LRRIQ3: variants seen among roughly 807,000 people sequenced by gnomAD.
LRRIQ3 encodes the protein leucine-rich repeat and IQ domain-containing protein 3.
A neutral mutation model predicts 59.3 loss-of-function variants in LRRIQ3; 75 were observed. That is an observed-to-expected ratio of 1.26 (90% CI 1.05 to 1.53). The LOEUF (loss-of-function observed/expected upper bound fraction) is 1.53, where lower values mean the gene tolerates loss of function less well. Among genes scored for constraint, LRRIQ3 ranks in the 40% most tolerant of loss-of-function variants. LRRIQ3 has a pLI of 0.00. For missense variants in LRRIQ3, 831 were observed against 710.0 expected (o/e 1.17, Z -1.94); for synonymous variants, 250 against 231.3 (o/e 1.08, Z -0.73).
intron 3 of LRRIQ3, chr1:74,180,013 T>C (rs545781931): frequency 1.2e-4 from 18 of 152,028 alleles, no homozygotes; most frequent in African/African-American, 4.1e-4. Flanking sequence ...AATAAATCTT[T>C]CATAAATTCT....
At chr1:74,069,460 A>G (rs1033336969) in intron 6 of LRRIQ3, among the ~76,000 whole-genome samples, 25 of 152,052 alleles carry the variant, frequency 1.6e-4, no homozygotes, top group African/African-American at 5.8e-4. Context: ...TCTGACCTAC[A>G]GTGTTATATC....
At chr1:74,109,012 AT>A in intron 5 of LRRIQ3, 1 of 253,362 alleles carries the variant, frequency 3.9e-6, no homozygotes, top group South Asian at 4.4e-5. Context: ...CCTCAAAGCA[AT>A]TTATAATATA....
rs372044981 is a variant in LRRIQ3, at chr1:74,197,052, T to G, written c.-1+944A>C. Among the ~76,000 whole-genome samples the G allele has an allele frequency of 3.9e-5, 6 of 152,352 alleles. No individual in the cohort carries two copies. In the East Asian group the frequency reaches 1.2e-3, roughly 29 times the overall value. ...CTTTGGTTACTTTCACTCAAGTCTCTGTATTTTCTAAATGTTCTTCAATAA... is the reference window on the plus strand; with the variant it reads ...CTTTGGTTACTTTCACTCAAGTCTCGGTATTTTCTAAATGTTCTTCAATAA... On this transcript the variant is annotated intron_variant, in intron 1 of 7. Coordinates refer to ENST00000354431, the MANE Select transcript of LRRIQ3 (RefSeq NM_001105659.2).
chr1:74,114,318 T>C (rs1646747948), intron 4 of LRRIQ3, among the ~76,000 whole-genome samples: 1 of 152,126 alleles, frequency 6.6e-6, no homozygotes, highest in African/African-American at 2.4e-5. Flanking sequence ...ATAGATGTAA[T>C]ATGTCTAATT....
chr1:74,036,151 C>T (rs922692048), intron 7 of LRRIQ3, among the ~76,000 whole-genome samples: 1 of 152,022 alleles, frequency 6.6e-6, no homozygotes, highest in Admixed American at 6.6e-5. Context: ...AAATGCTGCC[C>T]CCAAATATGG....
chr1:74,076,387 T>C (rs999434510), intron 5 of LRRIQ3, among the ~76,000 whole-genome samples: 24 of 152,138 alleles, frequency 1.6e-4, no homozygotes, highest in African/African-American at 5.8e-4. Context: ...TAAACTGAGC[T>C]CTTTCACATG....
intron 5 of LRRIQ3, among the ~76,000 whole-genome samples, chr1:74,075,610 A>G (rs1227955440): frequency 6.6e-6 from 1 of 151,982 alleles, no homozygotes; most frequent in Non-Finnish European, 1.5e-5. Flanking sequence ...TGGATCAGCT[A>G]TGTGTGGGAA....
chr1:74,096,037 A>T (rs1004377997), intron 5 of LRRIQ3, among the ~76,000 whole-genome samples: 1 of 152,180 alleles, frequency 6.6e-6, no homozygotes, highest in African/African-American at 2.4e-5. Flanking sequence ...AATAACAATA[A>T]GAAACCCATT....
intron 5 of LRRIQ3, chr1:74,109,024 G>A (rs1483585487): frequency 4.3e-6 from 1 of 234,026 alleles, no homozygotes; most frequent in Non-Finnish European, 8.4e-6. Flanking sequence ...TTATAATATA[G>A]CATAAAACCA....
intron 7 of LRRIQ3, among the ~76,000 whole-genome samples, chr1:74,037,561 T>G (rs1570004724): frequency 6.6e-6 from 1 of 151,490 alleles, no homozygotes; most frequent in Non-Finnish European, 1.5e-5. Flanking sequence ...ATTTGGGAGG[T>G]GAAGGGTGCA....
intron 4 of LRRIQ3, among the ~76,000 whole-genome samples, chr1:74,155,046 T>G (rs977270873): frequency 3.3e-5 from 5 of 152,354 alleles, no homozygotes; most frequent in African/African-American, 1.2e-4. Context: ...CAGTGAAACT[T>G]CCTAATCTTG....
intron 6 of LRRIQ3, among the ~76,000 whole-genome samples, chr1:74,052,930 T>A (rs766577240): frequency 9.2e-5 from 14 of 152,276 alleles, no homozygotes; most frequent in Middle Eastern, 3.4e-3. Flanking sequence ...AAAAATAACA[T>A]CTTCTTTGAG....
At chr1:74,032,136 T>C (rs1307792578) in intron 7 of LRRIQ3, among the ~76,000 whole-genome samples, 2 of 151,990 alleles carry the variant, frequency 1.3e-5, no homozygotes, top group Admixed American at 6.6e-5. Flanking sequence ...TTTACATTTG[T>C]TTTAAATATA....
chr1:74,135,895 G>A (rs748228537), intron 4 of LRRIQ3, among the ~76,000 whole-genome samples: 13 of 151,750 alleles, frequency 8.6e-5, no homozygotes, highest in Non-Finnish European at 1.6e-4. Context: ...GAATAAATAT[G>A]AGAGAGGAAA....
At chr1:74,124,506 G>GT (rs1403893985) in intron 4 of LRRIQ3, among the ~76,000 whole-genome samples, 2 of 152,046 alleles carry the variant, frequency 1.3e-5, no homozygotes, top group African/African-American at 4.8e-5. Context: ...TTAGCGTTAA[G>GT]CTGCAAATCC....
At chr1:74,155,638 T>A (rs1465991703) in intron 4 of LRRIQ3, 95 bp downstream of exon 4, 2 of 1,173,826 alleles carry the variant, frequency 1.7e-6, no homozygotes, top group East Asian at 2.7e-5. Flanking sequence ...TGATAGAGAA[T>A]ACAAAAATGC....
intron 1 of LRRIQ3, among the ~76,000 whole-genome samples, chr1:74,187,529 A>T (rs1650482087): frequency 6.6e-6 from 1 of 152,084 alleles, no homozygotes; most frequent in African/African-American, 2.4e-5. Context: ...AGTGTGAGCT[A>T]AGCTGTGAGG....
chr1:74,109,617 G>T (rs1361828804), intron 4 of LRRIQ3, 64 bp from the exon 5 acceptor site: 74 of 1,321,898 alleles, frequency 5.6e-5, no homozygotes, highest in Non-Finnish European at 7.1e-5. Context: ...ATGAAAATTA[G>T]TCATGAGTTC....
intron 5 of LRRIQ3, among the ~76,000 whole-genome samples, chr1:74,102,117 G>A (rs1646544979): frequency 6.6e-6 from 1 of 151,128 alleles, no homozygotes. Context: ...ACTATCAAGA[G>A]GACAAAGTAG....
Sources: gnomAD v4.1 joint callset for allele counts (sites outside exome capture counted in the v4.1 genomes callset) on GRCh38, gnomAD v4.1.1 for gene constraint, MANE v1.5 for transcripts, NCBI Gene and HGNC (gene_info 2026-07-23, HGNC 2026-07-21) for gene names.